Variants in TFF2 observed in about 807,000 individuals in gnomAD.
TFF2 encodes trefoil factor 2.
A neutral mutation model predicts 16.0 loss-of-function variants in TFF2; 19 were observed. That is an observed-to-expected ratio of 1.19 (90% CI 0.83 to 1.74). The LOEUF (loss-of-function observed/expected upper bound fraction) is 1.74. TFF2 is among the 40% of genes most tolerant of loss of function. The pLI, the probability that TFF2 is intolerant of heterozygous loss-of-function variation, is 0.00. For missense variants in TFF2, 168 were observed against 166.8 expected, an observed-to-expected ratio of 1.01 and a Z score of -0.04; for synonymous variants, 61 against 65.4, an observed-to-expected ratio of 0.93 and a Z score of 0.32.
At position 42,347,377 on chromosome 21, in the gene TFF2, G is replaced by A. The variant is rs1169056244; in HGVS notation, c.376+109C>T. The A allele has an allele frequency of 4.7e-5, 69 of 1,461,444 alleles. No homozygotes were observed. The Middle Eastern group carries it at 1.9e-3, about 41-fold the overall frequency. 90.5% of individuals were successfully genotyped at this position (1,461,444 alleles called of 1,614,324 possible). The stretch of plus-strand genomic sequence containing the variant: ...CATAGGAGGCAGGGGCCCTGGCCTC[G>A]ATGGCACTGAGGCTGCGAGGCAGCT... On this transcript the variant is annotated intron_variant, in intron 3 of 3. Coordinates refer to ENST00000291526, the MANE Select transcript of TFF2 (RefSeq NM_005423.5).
chr21:42,350,429 C>A (rs12483113), intron 1 of TFF2: 8,527 of 180,694 alleles, frequency 0.047, 243 homozygotes, highest in African/African-American at 0.08. Flanking sequence ...GCTACTCAGG[C>A]GGCTGAGGTG....
intron 2 of TFF2, among the ~76,000 whole-genome samples, chr21:42,348,599 G>A (rs568856766): frequency 2.0e-5 from 3 of 151,700 alleles, no homozygotes; most frequent in African/African-American, 7.3e-5. Context: ...CTGGCCCCAG[G>A]CTAACCAACC....
At position 42,347,603 on chromosome 21, in the gene TFF2, C is replaced by G; in HGVS notation, c.259G>C (p.Asp87His). The change falls in exon 3 of 4, where the codon GAC becomes CAC. Residue 87 changes from aspartate (D) to histidine (H), a missense_variant. Physicochemically the swap from Asp to His is moderately conservative, Grantham distance 81 (BLOSUM62 -1). Coordinates refer to ENST00000291526, the MANE Select transcript of TFF2 (RefSeq NM_005423.5). ...ESDQCVMEVS[D>H]RRNCGYPGIS... is the part of the protein sequence containing the mutation. ...CCCGGGTAGCCACAGTTTCTTCGGTCTGAGACCTCCATGACGCACTGATCC... is the reference window on the plus strand; with the variant it reads ...CCCGGGTAGCCACAGTTTCTTCGGTGTGAGACCTCCATGACGCACTGATCC... 2 of 1,614,196 alleles carry G rather than the reference C, an allele frequency of 1.2e-6. No individual in the cohort carries two copies. The highest frequency in any genetic ancestry group is 1.7e-6 in the Non-Finnish European group (2 of 1,180,034).
chr21:42,348,156 G>T (rs974531881), intron 2 of TFF2, among the ~76,000 whole-genome samples: 1 of 152,190 alleles, frequency 6.6e-6, no homozygotes, highest in Non-Finnish European at 1.5e-5. Flanking sequence ...CAATCTTGGG[G>T]ATGAATCCTC....
intron 1 of TFF2, 162 bp from the exon 2 acceptor site, chr21:42,350,192 C>A: frequency 7.8e-7 from 1 of 1,276,822 alleles, no homozygotes; most frequent in Non-Finnish European, 9.9e-7. Context: ...CCTGAGAAGC[C>A]GATAGGGCTT....
intron 2 of TFF2, among the ~76,000 whole-genome samples, chr21:42,348,374 C>T (rs1010134741): frequency 4.9e-4 from 75 of 152,206 alleles, no homozygotes; most frequent in African/African-American, 1.8e-3. Context: ...TATTAAATAC[C>T]TTCATTTCCC....
chr21:42,350,298 G>A (rs943411637), intron 1 of TFF2: 13 of 694,798 alleles, frequency 1.9e-5, no homozygotes, highest in African/African-American at 1.7e-4. Flanking sequence ...AAGCCGAGGC[G>A]GGCAGATTGC....
In TFF2 at chr21:42,346,370, A is replaced by C. The variant is rs2052067367; in HGVS notation, c.*163T>G. On this transcript the variant is annotated 3_prime_UTR_variant, in exon 4 of 4. Coordinates refer to ENST00000291526, the MANE Select transcript of TFF2 (RefSeq NM_005423.5). ...ACCAAAAAGAAATTTAGCAGATTTTAAGGGTTTTATTTAAAGAAATTATAT... is the reference window on the plus strand; with the variant it reads ...ACCAAAAAGAAATTTAGCAGATTTTCAGGGTTTTATTTAAAGAAATTATAT... The C allele has an allele frequency of 2.1e-6, 2 of 939,154 alleles. No individual in the cohort carries two copies. The highest frequency in any genetic ancestry group is 3.2e-6 in the Non-Finnish European group (2 of 615,706). 58.2% of individuals were successfully genotyped at this position (939,154 alleles called of 1,614,324 possible).
chr21:42,347,865 G>A (rs934693232), intron 2 of TFF2, among the ~76,000 whole-genome samples: 7 of 152,210 alleles, frequency 4.6e-5, no homozygotes, highest in African/African-American at 1.7e-4. Flanking sequence ...CGCTTGGCTG[G>A]CCTGTCCTCC....
At chr21:42,350,577 T>C (rs2052109036) in intron 1 of TFF2, among the ~76,000 whole-genome samples, 1 of 152,084 alleles carries the variant, frequency 6.6e-6, no homozygotes, top group Non-Finnish European at 1.5e-5. Context: ...GGTGAACAGA[T>C]GGACCCAAGG....
chr21:42,347,783 C>G, intron 2 of TFF2, 151 bp from the exon 3 acceptor site: 1 of 1,037,568 alleles, frequency 9.6e-7, no homozygotes, highest in Non-Finnish European at 1.4e-6. Context: ...GACGGCCTCC[C>G]CCGGGGACTG....
intron 3 of TFF2, 111 bp downstream of exon 3, chr21:42,347,372 GCCT>G (rs1352722803): frequency 7.1e-7 from 1 of 1,409,446 alleles, no homozygotes; most frequent in Non-Finnish European, 9.8e-7. Flanking sequence ...AGGGGCCCTG[GCCT>G]CGATGGCACT....
chr21:42,350,230 G>T, intron 1 of TFF2, 200 bp from the exon 2 acceptor site: 1 of 1,171,432 alleles, frequency 8.5e-7, no homozygotes, highest in Non-Finnish European at 1.1e-6. Context: ...TAGTTTAAAA[G>T]GAAAAAAAAA....
At chr21:42,346,691 G>GGACC in intron 3 of TFF2, 145 bp from the exon 4 acceptor site, 2 of 887,910 alleles carry the variant, frequency 2.3e-6, no homozygotes, top group East Asian at 5.3e-5. Flanking sequence ...GGGTGTAAAG[G>GGACC]GACCAAATCT....
At chr21:42,348,389 G>A (rs2052086212) in intron 2 of TFF2, among the ~76,000 whole-genome samples, 1 of 152,034 alleles carries the variant, frequency 6.6e-6, no homozygotes, top group Non-Finnish European at 1.5e-5. Context: ...TTTCCCCATG[G>A]AAGCTTCTTC....
At chr21:42,349,815 C>A (rs2052101551) in intron 2 of TFF2, 66 bp downstream of exon 2, 3 of 1,491,404 alleles carry the variant, frequency 2.0e-6, no homozygotes, top group Non-Finnish European at 2.7e-6. Flanking sequence ...CTGCTCTGGG[C>A]TCCGCCTGTG....
intron 3 of TFF2, among the ~76,000 whole-genome samples, chr21:42,346,776 T>C (rs2052071813): frequency 1.3e-5 from 2 of 152,038 alleles, no homozygotes; most frequent in South Asian, 4.1e-4. Context: ...GGTGGACCTT[T>C]AGGTCACATA....
intron 3 of TFF2, among the ~76,000 whole-genome samples, chr21:42,346,766 G>A (rs1019636727): frequency 3.3e-5 from 5 of 152,114 alleles, no homozygotes; most frequent in African/African-American, 1.2e-4. Flanking sequence ...ACATTTTCTA[G>A]GTGGACCTTT....
At chr21:42,350,067 C>G (rs2052104396) in intron 1 of TFF2, 37 bp from the exon 2 acceptor site, 1 of 1,571,548 alleles carries the variant, frequency 6.4e-7, no homozygotes, top group Middle Eastern at 2.1e-4. Flanking sequence ...ACCCTGGTAC[C>G]CCAGACCACA....
Sources: gnomAD v4.1 joint callset for allele counts (sites outside exome capture counted in the v4.1 genomes callset) on GRCh38, gnomAD v4.1.1 for gene constraint, MANE v1.5 for transcripts, NCBI Gene and HGNC (gene_info 2026-07-23, HGNC 2026-07-21) for gene names.